LAMC1: variants seen among roughly 807,000 people sequenced by gnomAD.
The protein encoded by LAMC1 is laminin subunit gamma-1.
A neutral mutation model predicts 173.6 loss-of-function variants in LAMC1; 38 were observed. The ratio of observed to expected loss-of-function variants is 0.22; its 90% CI spans 0.17 to 0.29. The LOEUF (loss-of-function observed/expected upper bound fraction) is 0.29, where lower values mean the gene tolerates loss of function less well. LAMC1 is among the 10% of genes least tolerant of loss of function. The pLI is 1.00. For synonymous variants in LAMC1, 746 were observed against 749.1 expected (o/e 1.00, Z 0.07); for missense variants, 1,824 against 2,051.8 (o/e 0.89, Z 2.14).
intron 1 of LAMC1, among the ~76,000 whole-genome samples, chr1:183,059,189 T>G (rs148798408): frequency 0.014 from 2,145 of 152,294 alleles, 24 homozygotes; most frequent in Middle Eastern, 0.044. Flanking sequence ...ATTAGCAAAA[T>G]AAGAAACCTA....
intron 1 of LAMC1, among the ~76,000 whole-genome samples, chr1:183,028,158 C>T (rs966975878): frequency 1.3e-5 from 2 of 151,822 alleles, no homozygotes; most frequent in Non-Finnish European, 2.9e-5. Flanking sequence ...ATTCCTCCCC[C>T]CCCCCACCTC....
At position 183,023,690 on chromosome 1, in the gene LAMC1, G is replaced by C. The variant is rs1052487190; in HGVS notation, c.-27G>C. The C allele has an allele frequency of 1.3e-4, 157 of 1,167,290 alleles. No homozygotes were observed. The Middle Eastern group carries it at 1.7e-3, about 13-fold the overall frequency. The allele number at this position is 1,167,290 out of a possible 1,614,324, so 72.3% of individuals were successfully genotyped here. Reference sequence around the variant, plus strand: ...GGAACGCGCCGGTGCCCTTGCCTTCGCCGTGACCCAGCGTGCGGGCGGCGG... The same window carrying C: ...GGAACGCGCCGGTGCCCTTGCCTTCCCCGTGACCCAGCGTGCGGGCGGCGG... On this transcript the variant is annotated 5_prime_UTR_variant, in exon 1 of 28. Coordinates refer to ENST00000258341, the MANE Select transcript of LAMC1 (RefSeq NM_002293.4).
chr1:183,084,900 C>G (rs148736858), intron 1 of LAMC1, among the ~76,000 whole-genome samples: 1 of 152,160 alleles, frequency 6.6e-6, no homozygotes, highest in Non-Finnish European at 1.5e-5. Context: ...TCCATTGTGT[C>G]AAAACCATCC....
chr1:183,116,556 T>C, intron 6 of LAMC1, 21 bp from the exon 7 acceptor site: 1 of 1,482,164 alleles, frequency 6.7e-7, no homozygotes. Context: ...CTGATTGTTT[T>C]ATCCATTTTT....
intron 21 of LAMC1, among the ~76,000 whole-genome samples, chr1:183,132,792 TAAA>T (rs1207112116): frequency 2.6e-5 from 4 of 152,214 alleles, no homozygotes; most frequent in East Asian, 1.9e-4. Context: ...TGTGCACAAA[TAAA>T]GAAGAAAAAA....
At chr1:183,102,124 G>A (rs1452546457) in intron 1 of LAMC1, among the ~76,000 whole-genome samples, 1 of 152,164 alleles carries the variant, frequency 6.6e-6, no homozygotes, top group Non-Finnish European at 1.5e-5. Context: ...GGCAGCCAGA[G>A]AGAGACAAAG....
At chr1:183,075,118 G>T (rs542884224) in intron 1 of LAMC1, among the ~76,000 whole-genome samples, 27 of 149,508 alleles carry the variant, frequency 1.8e-4, no homozygotes, top group Non-Finnish European at 3.5e-4. Context: ...AGTTCTGTCT[G>T]ATGTGGGCTT....
intron 24 of LAMC1, among the ~76,000 whole-genome samples, chr1:183,136,082 A>C (rs1294232178): frequency 6.6e-6 from 1 of 152,184 alleles, no homozygotes; most frequent in East Asian, 1.9e-4. Flanking sequence ...CACAGTAAAC[A>C]CTAAATAAAT....
Position 183,136,473 on chromosome 1 carries a change from C to G in LAMC1, c.4202C>G (p.Ala1401Gly), listed in dbSNP as rs1413846192. 1.2e-6 allele frequency: 2 copies of G among 1,614,078 alleles called. No individual in the cohort carries two copies. Among genetic ancestry groups the G allele is most frequent in the South Asian group, 1.1e-5 (1 of 91,090 alleles). The change falls in exon 25 of 28, where the codon GCC becomes GGC. Residue 1401 changes from alanine (A) to glycine (G), a missense_variant. Transcript: ENST00000258341. ...GCCATCAACCAGACCATCACTGAAG[C>G]CAATGAAAAGACCAGAGAAGCCCAG... ...IPAINQTITEANEKTREAQQA... is the reference protein window; with the variant it reads ...IPAINQTITEGNEKTREAQQA...
intron 1 of LAMC1, among the ~76,000 whole-genome samples, chr1:183,068,264 A>T (rs951856050): frequency 2.0e-5 from 3 of 151,728 alleles, no homozygotes; most frequent in Non-Finnish European, 2.9e-5. Flanking sequence ...GTGTGTGTGT[A>T]AAGAATACAC....
chr1:183,031,344 G>A (rs980480539), intron 1 of LAMC1, among the ~76,000 whole-genome samples: 1 of 151,794 alleles, frequency 6.6e-6, no homozygotes, highest in African/African-American at 2.4e-5. Context: ...CGCTCTTGTC[G>A]CCCAGGCTGG....
intron 1 of LAMC1, among the ~76,000 whole-genome samples, chr1:183,050,797 A>G (rs1283257334): frequency 6.7e-6 from 1 of 149,256 alleles, no homozygotes; most frequent in Non-Finnish European, 1.5e-5. Flanking sequence ...AGGCTGAGGC[A>G]GGAGAATCGC....
At chr1:183,126,496 T>G (rs992088472) in intron 16 of LAMC1, among the ~76,000 whole-genome samples, 2 of 152,254 alleles carry the variant, frequency 1.3e-5, no homozygotes, top group Non-Finnish European at 2.9e-5. Flanking sequence ...TGATGCTTCC[T>G]TTTTCCAATC....
chr1:183,113,296 C>T lies in LAMC1; in HGVS notation c.1022-1235C>T, dbSNP rs79726410. Among the ~76,000 whole-genome samples, 333 of 152,192 alleles carry T rather than the reference C, an allele frequency of 2.2e-3. 12 individuals are homozygous for T. The East Asian group carries it at 0.054, about 25-fold the overall frequency. On this transcript the variant is annotated intron_variant, in intron 4 of 27. Transcript: ENST00000258341. ...GACACCACTGCACTCCAGAGTGAGA[C>T]CCTGTCTCCAAAAAACAAACAAATC...
chr1:183,133,706 G>C (rs1656862672), intron 22 of LAMC1, among the ~76,000 whole-genome samples, 156 bp downstream of exon 22: 1 of 152,176 alleles, frequency 6.6e-6, no homozygotes, highest in African/African-American at 2.4e-5. Context: ...AAGGTAGCCA[G>C]ATGTGGTGGC....
In LAMC1 at chr1:183,103,667, T is replaced by C. The variant is rs186199139; in HGVS notation, c.723+35T>C. The C allele has an allele frequency of 2.5e-4, 373 of 1,508,022 alleles. No individual in the cohort carries two copies. The African/African-American group carries it at 5.0e-3, about 20-fold the overall frequency. 93.4% of individuals were successfully genotyped at this position (1,508,022 alleles called of 1,614,324 possible). On this transcript the variant is annotated intron_variant, in intron 2 of 27. Transcript: ENST00000258341. The stretch of plus-strand genomic sequence containing the variant: ...CACAGGTTGGCCTGAAGCCAGCTAG[T>C]TCTACAACATGCGAGGTGTGGGAAG...
chr1:183,139,064 A>G (rs540315742), intron 26 of LAMC1, among the ~76,000 whole-genome samples: 1 of 152,002 alleles, frequency 6.6e-6, no homozygotes, highest in South Asian at 2.1e-4. Flanking sequence ...AAATTCCCAT[A>G]AAAAAAATAG....
In LAMC1 at chr1:183,094,451, G is replaced by A. The variant is rs560517195; in HGVS notation, c.419-8877G>A. Among the ~76,000 whole-genome samples, 2 of 152,230 alleles carry A rather than the reference G, an allele frequency of 1.3e-5. 1 individual carries two copies. The highest frequency in any genetic ancestry group is 4.8e-5 in the African/African-American group (2 of 41,536). On this transcript the variant is annotated intron_variant, in intron 1 of 27. Transcript: ENST00000258341. ...TAAAATCTGTTCCTTACCCAAGCAT[G>A]CTCCCTACTTTTACTGTAAGTTCTA...
intron 1 of LAMC1, among the ~76,000 whole-genome samples, chr1:183,097,734 C>T (rs113451976): frequency 3.3e-5 from 5 of 152,196 alleles, no homozygotes; most frequent in Non-Finnish European, 5.9e-5. Context: ...ATTGTCGATG[C>T]GGCCTGTTCC....
Sources: gnomAD v4.1 joint callset for allele counts (sites outside exome capture counted in the v4.1 genomes callset) on GRCh38, gnomAD v4.1.1 for gene constraint, MANE v1.5 for transcripts, NCBI Gene and HGNC (gene_info 2026-07-23, HGNC 2026-07-21) for gene names.